The following PRELID2 variants were observed in gnomAD, a reference collection of about 807,000 sequenced individuals.
PRELID2 encodes PRELI domain-containing protein 2.
A neutral mutation model predicts 28.4 loss-of-function variants in PRELID2; 25 were observed. The ratio of observed to expected loss-of-function variants is 0.88; its 90% confidence interval spans 0.64 to 1.23. PRELID2 has a LOEUF of 1.23. PRELID2 is among the 50% of genes most tolerant of loss of function. The pLI is 0.00. For synonymous variants in PRELID2, 76 were observed against 71.6 expected, an observed-to-expected ratio of 1.06 and a Z score of -0.31; for missense variants, 201 against 214.4, an observed-to-expected ratio of 0.94 and a Z score of 0.39.
At chr5:145,771,959 T>C (rs1328673620) in intron 5 of PRELID2, among the ~76,000 whole-genome samples, 1 of 152,106 alleles carries the variant, frequency 6.6e-6, no homozygotes, top group African/African-American at 2.4e-5. Context: ...AGTTTTCTCA[T>C]CAAAAGGTAA....
chr5:145,607,547 T>C (rs1479817800), intron 1 of PRELID2, among the ~76,000 whole-genome samples: 6 of 152,116 alleles, frequency 3.9e-5, no homozygotes, highest in Admixed American at 3.3e-4. Flanking sequence ...CACGTAATTA[T>C]ATGGTTTTGG....
the PRELID2 span, among the ~76,000 whole-genome samples, chr5:145,329,855 G>A: frequency 6.6e-6 from 1 of 152,152 alleles, no homozygotes; most frequent in Non-Finnish European, 1.5e-5. Context: ...CTTGTCTTGT[G>A]CCAGTTTTTA....
intron 1 of PRELID2, among the ~76,000 whole-genome samples, chr5:145,602,848 T>G (rs934072019): frequency 2.0e-5 from 3 of 151,938 alleles, no homozygotes; most frequent in African/African-American, 7.3e-5. Flanking sequence ...GGTCAGGAGT[T>G]CGAGATGAGC....
intron 4 of PRELID2, among the ~76,000 whole-genome samples, chr5:145,812,653 G>GA (rs1754031068): frequency 6.6e-6 from 1 of 151,610 alleles, no homozygotes; most frequent in Non-Finnish European, 1.5e-5. Flanking sequence ...TCTGAGTCAG[G>GA]TTTCTGCTAC....
the PRELID2 span, among the ~76,000 whole-genome samples, chr5:145,374,365 G>T: frequency 6.6e-6 from 1 of 152,034 alleles, no homozygotes; most frequent in Non-Finnish European, 1.5e-5. Context: ...TAGTCTGATG[G>T]GTTTCCCTTT....
chr5:145,280,957 A>G, the PRELID2 span, among the ~76,000 whole-genome samples: 1 of 152,076 alleles, frequency 6.6e-6, no homozygotes, highest in Admixed American at 6.6e-5. Flanking sequence ...TACGTAATGG[A>G]ATCCTGAGGT....
chr5:145,445,625 AC>A, the PRELID2 span, among the ~76,000 whole-genome samples: 1 of 152,072 alleles, frequency 6.6e-6, no homozygotes, highest in Non-Finnish European at 1.5e-5. Context: ...AAGCTATCCA[AC>A]AGGGGATTAA....
the PRELID2 span, among the ~76,000 whole-genome samples, chr5:145,402,521 T>C: frequency 6.6e-6 from 1 of 152,212 alleles, no homozygotes; most frequent in East Asian, 1.9e-4. Flanking sequence ...AAATGCTCAC[T>C]GTACCAAAAT....
At chr5:145,455,255 G>T in the PRELID2 span, among the ~76,000 whole-genome samples, 1 of 152,158 alleles carries the variant, frequency 6.6e-6, no homozygotes, top group Non-Finnish European at 1.5e-5. Context: ...TCAAAGATCA[G>T]ATGGTTGTAG....
At chr5:145,706,754 T>C (rs1024330621) in intron 1 of PRELID2, among the ~76,000 whole-genome samples, 7 of 152,240 alleles carry the variant, frequency 4.6e-5, no homozygotes, top group Admixed American at 1.3e-4. Flanking sequence ...CATTAAAATG[T>C]TGTCTCATTT....
At chr5:145,501,965 CTCTT>C (rs1397571788) in intron 1 of PRELID2, among the ~76,000 whole-genome samples, 27 of 152,194 alleles carry the variant, frequency 1.8e-4, no homozygotes, top group African/African-American at 6.0e-4. Flanking sequence ...CTCTCACTCT[CTCTT>C]TCTTTCTCTC....
chr5:145,539,000 G>A (rs1752723965), intron 1 of PRELID2, among the ~76,000 whole-genome samples: 1 of 151,882 alleles, frequency 6.6e-6, no homozygotes. Flanking sequence ...AGGTAAGAGA[G>A]CCAAATAGCA....
the PRELID2 span, among the ~76,000 whole-genome samples, chr5:145,398,126 A>T: frequency 6.6e-6 from 1 of 152,104 alleles, no homozygotes; most frequent in African/African-American, 2.4e-5. Flanking sequence ...AGCTTCAAAC[A>T]GTGTCACCTG....
the PRELID2 span, among the ~76,000 whole-genome samples, chr5:145,331,349 G>C: frequency 1.3e-5 from 2 of 151,940 alleles, no homozygotes; most frequent in East Asian, 3.9e-4. Flanking sequence ...CTGTCTCGTT[G>C]ATCTAATATT....
intron 1 of PRELID2, among the ~76,000 whole-genome samples, chr5:145,522,162 A>G (rs888960081): frequency 1.3e-5 from 2 of 152,200 alleles, no homozygotes; most frequent in African/African-American, 4.8e-5. Context: ...ATTACAAATT[A>G]AGATAAAATT....
At chr5:145,740,431 G>A (rs1445456314) in intron 1 of PRELID2, among the ~76,000 whole-genome samples, 20 of 139,182 alleles carry the variant, frequency 1.4e-4, no homozygotes, top group South Asian at 2.2e-4. Flanking sequence ...ACTACAAAAC[G>A]TTCTCTCAAC....
chr5:145,229,820 C>G, the PRELID2 span: 1 of 759,556 alleles, frequency 1.3e-6, no homozygotes, highest in Non-Finnish European at 2.4e-6. Context: ...AATTTGTCCG[C>G]CCCTGCATCG....
the PRELID2 span, among the ~76,000 whole-genome samples, chr5:145,369,848 T>A: frequency 6.6e-6 from 1 of 152,180 alleles, no homozygotes; most frequent in African/African-American, 2.4e-5. Context: ...ATTGTGGTTT[T>A]GATTTGCATT....
intron 1 of PRELID2, among the ~76,000 whole-genome samples, chr5:145,631,122 A>G (rs1284305854): frequency 6.6e-6 from 1 of 152,174 alleles, no homozygotes. Flanking sequence ...GAGCACAACT[A>G]TTCCTTTCCC....
Sources: gnomAD v4.1 joint callset for allele counts (sites outside exome capture counted in the v4.1 genomes callset) on GRCh38, gnomAD v4.1.1 for gene constraint, MANE v1.5 for transcripts, NCBI Gene and HGNC (gene_info 2026-07-23, HGNC 2026-07-21) for gene names.